Variants in CSMD1 observed in about 807,000 individuals in gnomAD.
CSMD1 encodes the protein CUB and Sushi multiple domains 1, also known as CUB and sushi domain-containing protein 1.
In CSMD1, 213 loss-of-function variants were observed where a neutral mutation model predicts 417.5. The observed-to-expected ratio is 0.51, with a 90% confidence interval of 0.46 to 0.57. The LOEUF is 0.57. CSMD1 is among the 20% of genes least tolerant of loss of function. The pLI is 0.00. For missense variants in CSMD1, 6,923 were observed against 4,529.7 expected, an observed-to-expected ratio of 1.53 and a Z score of -15.17; for synonymous variants, 2,862 against 1,736.8, an observed-to-expected ratio of 1.65 and a Z score of -16.11.
chr8:3,722,654 G>C (rs999485108), intron 6 of CSMD1, among the ~76,000 whole-genome samples: 2 of 152,146 alleles, frequency 1.3e-5, no homozygotes, highest in African/African-American at 4.8e-5. Flanking sequence ...CATGAAATGT[G>C]TATATTCCGC....
intron 3 of CSMD1, among the ~76,000 whole-genome samples, chr8:4,098,055 G>C (rs1585308506): frequency 6.6e-6 from 1 of 152,154 alleles, no homozygotes; most frequent in African/African-American, 2.4e-5. Flanking sequence ...CACAGAGAAT[G>C]CTCACTTAAA....
intron 1 of CSMD1, among the ~76,000 whole-genome samples, chr8:4,740,353 C>T (rs773824327): frequency 2.6e-5 from 4 of 151,990 alleles, no homozygotes; most frequent in Non-Finnish European, 5.9e-5. Context: ...CCATTTAAAT[C>T]CAAGGATTTA....
At chr8:3,390,864 T>G (rs932896927) in intron 17 of CSMD1, among the ~76,000 whole-genome samples, 4 of 152,170 alleles carry the variant, frequency 2.6e-5, no homozygotes, top group Admixed American at 1.3e-4. Context: ...ACATTTCATA[T>G]GCCGAGCTTA....
At chr8:4,452,526 A>C (rs1351650327) in intron 2 of CSMD1, among the ~76,000 whole-genome samples, 1 of 152,242 alleles carries the variant, frequency 6.6e-6, no homozygotes, top group African/African-American at 2.4e-5. Context: ...TCATTAACTC[A>C]ACAATTATAA....
chr8:3,897,810 T>C (rs1807465156), intron 5 of CSMD1, among the ~76,000 whole-genome samples: 1 of 152,202 alleles, frequency 6.6e-6, no homozygotes. Flanking sequence ...GCTTCGTAAG[T>C]TCATCTCCAT....
intron 6 of CSMD1, among the ~76,000 whole-genome samples, chr8:3,716,728 C>T (rs935719914): frequency 6.6e-6 from 1 of 152,156 alleles, no homozygotes; most frequent in African/African-American, 2.4e-5. Flanking sequence ...TCTCCAGCCC[C>T]TATTCAAGAT....
chr8:4,414,588 CA>C (rs1442413947), intron 3 of CSMD1, among the ~76,000 whole-genome samples: 2 of 151,768 alleles, frequency 1.3e-5, no homozygotes, highest in African/African-American at 4.9e-5. Context: ...ATCTTTAAAT[CA>C]ATTCAGTGAT....
At chr8:4,013,853 C>G (rs372200976) in intron 4 of CSMD1, among the ~76,000 whole-genome samples, 1 of 152,088 alleles carries the variant, frequency 6.6e-6, no homozygotes, top group Non-Finnish European at 1.5e-5. Flanking sequence ...CAGTGACAGA[C>G]AAGGGTAGCT....
At chr8:4,443,012 ACT>A (rs750519975) in intron 2 of CSMD1, among the ~76,000 whole-genome samples, 2 of 152,180 alleles carry the variant, frequency 1.3e-5, no homozygotes, top group Non-Finnish European at 2.9e-5. Context: ...TCCCAAAAAC[ACT>A]GTCTACTTTA....
At chr8:4,394,766 T>C (rs560207167) in intron 3 of CSMD1, among the ~76,000 whole-genome samples, 68 of 152,330 alleles carry the variant, frequency 4.5e-4, no homozygotes, top group African/African-American at 1.2e-3. Context: ...CAGATCCATC[T>C]GCACCTTCCT....
At chr8:4,031,395 C>A (rs1324838201) in intron 4 of CSMD1, among the ~76,000 whole-genome samples, 3 of 152,166 alleles carry the variant, frequency 2.0e-5, no homozygotes, top group Non-Finnish European at 4.4e-5. Flanking sequence ...AAAGAGAGAG[C>A]TTGTGCAGGG....
intron 2 of CSMD1, among the ~76,000 whole-genome samples, chr8:4,625,380 C>A (rs12548559): frequency 0.023 from 3,438 of 152,180 alleles, 72 homozygotes; most frequent in Middle Eastern, 0.041. Context: ...TCAACTTCCC[C>A]ATGTAAGAAA....
chr8:3,029,925 A>G lies in CSMD1; in HGVS notation c.7661-412T>C, dbSNP rs78587794. Among the ~76,000 whole-genome samples, 357 of 152,208 alleles carry G rather than the reference A, an allele frequency of 2.3e-3. 2 individuals carry two copies. The highest frequency in any genetic ancestry group is 8.2e-3 in the African/African-American group (340 of 41,550). ...GTAATTGCAAACCAGCTGGGACACT[A>G]ATTTTCAGAAACTCAGATGCCCTCA... is the stretch of plus-strand genomic sequence containing the variant. On this transcript the variant is annotated intron_variant, in intron 50 of 69. Transcript: ENST00000635120.
chr8:3,589,230 C>T (rs4875748), intron 8 of CSMD1, among the ~76,000 whole-genome samples: 13,439 of 152,122 alleles, frequency 0.088, 1,056 homozygotes, highest in African/African-American at 0.19. Flanking sequence ...TAGAATTTCA[C>T]TTCTGATCCT....
chr8:4,129,074 C>CAAAA (rs10538387), intron 3 of CSMD1, among the ~76,000 whole-genome samples: 16 of 80,702 alleles, frequency 2.0e-4, no homozygotes, highest in South Asian at 5.4e-4. Context: ...GAGTCCAACT[C>CAAAA]AAAAAAAAAA....
chr8:3,404,958 G>A lies in CSMD1; in HGVS notation c.2266+1069C>T, dbSNP rs1812259693. 1.3e-5 allele frequency among the ~76,000 whole-genome samples: 2 copies of A among 152,050 alleles called. 1 individual carries two copies. Among genetic ancestry groups the A allele is most frequent in the African/African-American group, 4.8e-5 (2 of 41,390 alleles). ...CAGAAAACATTCTTGAAAAAAACCTGTATAGTTGCTTATTTCTTTATGATA... is the reference window on the plus strand; with the variant it reads ...CAGAAAACATTCTTGAAAAAAACCTATATAGTTGCTTATTTCTTTATGATA... On this transcript the variant is annotated intron_variant, in intron 15 of 69. Coordinates refer to ENST00000635120, the MANE Select transcript of CSMD1 (RefSeq NM_033225.6).
intron 3 of CSMD1, among the ~76,000 whole-genome samples, chr8:4,074,365 T>C (rs1585256479): frequency 6.6e-6 from 1 of 152,242 alleles, no homozygotes; most frequent in East Asian, 1.9e-4. Flanking sequence ...ATTTAGTCCA[T>C]AAATGATAGC....
intron 2 of CSMD1, among the ~76,000 whole-genome samples, chr8:4,503,180 T>C (rs1343533444): frequency 1.3e-5 from 2 of 152,176 alleles, no homozygotes; most frequent in African/African-American, 2.4e-5. Flanking sequence ...TCTCTTATCA[T>C]CCGTCTAAGC....
chr8:4,157,977 C>A (rs554980718), intron 3 of CSMD1, among the ~76,000 whole-genome samples: 1 of 152,156 alleles, frequency 6.6e-6, no homozygotes, highest in Non-Finnish European at 1.5e-5. Flanking sequence ...CGAGATTGGC[C>A]AACTGTTGCT....
Sources: allele counts gnomAD v4.1 joint callset (sites outside exome capture counted in the v4.1 genomes callset), GRCh38; gene constraint gnomAD v4.1.1; transcripts MANE v1.5; gene names NCBI Gene and HGNC (gene_info 2026-07-23, HGNC 2026-07-21).